POC1B: variants seen among roughly 807,000 people sequenced by gnomAD.
POC1B encodes POC1 centriolar protein B.
A neutral mutation model predicts 60.6 loss-of-function variants in POC1B; 44 were observed. The observed-to-expected ratio is 0.73, with a 90% CI of 0.57 to 0.93. The LOEUF (loss-of-function observed/expected upper bound fraction) is 0.93. POC1B is among the 40% of genes least tolerant of loss of function. The pLI is 0.00. For missense variants in POC1B, 555 were observed against 572.3 expected (o/e 0.97, Z 0.31); for synonymous variants, 180 against 198.9 (o/e 0.90, Z 0.80).
chr12:89,502,356 G>T (rs1443133853), intron 2 of POC1B: 1 of 1,610,938 alleles, frequency 6.2e-7, no homozygotes, highest in African/African-American at 1.3e-5. Context: ...AACCTTTGGA[G>T]TACTGGCGAG....
At chr12:89,429,906 A>C (rs986210511) in intron 10 of POC1B, among the ~76,000 whole-genome samples, 1 of 152,244 alleles carries the variant, frequency 6.6e-6, no homozygotes, top group Non-Finnish European at 1.5e-5. Flanking sequence ...ATAGTAATAC[A>C]ATCATTGATT....
chr12:89,452,675 T>C (rs894345860), intron 10 of POC1B, among the ~76,000 whole-genome samples: 6 of 152,170 alleles, frequency 3.9e-5, no homozygotes, highest in African/African-American at 1.4e-4. Context: ...ACTATTTTTA[T>C]TAAAAAGCAT....
chr12:89,516,007 T>C (rs1360763770), intron 2 of POC1B, among the ~76,000 whole-genome samples: 3 of 152,198 alleles, frequency 2.0e-5, no homozygotes, highest in African/African-American at 7.2e-5. Context: ...TGAGAATTGC[T>C]GGTCAACCCA....
At chr12:89,410,921 G>A in the POC1B span, among the ~76,000 whole-genome samples, 4 of 152,156 alleles carry the variant, frequency 2.6e-5, no homozygotes, top group Admixed American at 6.5e-5. Flanking sequence ...CTTTAGCAAA[G>A]TCTCAGGATA....
At chr12:89,445,928 C>CA (rs1398137136) in intron 10 of POC1B, among the ~76,000 whole-genome samples, 1 of 152,056 alleles carries the variant, frequency 6.6e-6, no homozygotes, top group East Asian at 1.9e-4. Flanking sequence ...ACAACCCAAT[C>CA]AAAAAATGGG....
intron 11 of POC1B, among the ~76,000 whole-genome samples, chr12:89,423,416 G>A (rs1047695462): frequency 1.1e-4 from 17 of 152,178 alleles, no homozygotes; most frequent in African/African-American, 4.1e-4. Flanking sequence ...GGGATTATAG[G>A]TGTGAGCCAT....
At chr12:89,476,563 C>G (rs555773020) in intron 4 of POC1B, among the ~76,000 whole-genome samples, 126 of 152,202 alleles carry the variant, frequency 8.3e-4, no homozygotes, top group African/African-American at 3.0e-3. Flanking sequence ...CAAAAATTAG[C>G]TGGGCCTGGT....
At chr12:89,435,347 G>A (rs1482685800) in intron 10 of POC1B, among the ~76,000 whole-genome samples, 3 of 151,818 alleles carry the variant, frequency 2.0e-5, no homozygotes, top group Non-Finnish European at 4.4e-5. Context: ...CACCCAGCTA[G>A]TTTTTGTATT....
chr12:89,444,821 T>C (rs937119866), intron 10 of POC1B, among the ~76,000 whole-genome samples: 15 of 152,220 alleles, frequency 9.9e-5, no homozygotes, highest in African/African-American at 3.4e-4. Flanking sequence ...AAATTGTCCC[T>C]GTTTGCAGGT....
intron 3 of POC1B, among the ~76,000 whole-genome samples, chr12:89,494,838 G>A (rs1869165398): frequency 6.6e-6 from 1 of 152,186 alleles, no homozygotes; most frequent in African/African-American, 2.4e-5. Context: ...GCATACGAAT[G>A]AGGAACAGAG....
In POC1B at chr12:89,524,121, G is replaced by T. The variant is rs776184827; in HGVS notation, c.100+999C>A. The T allele has an allele frequency of 1.9e-6, 3 of 1,613,894 alleles. No homozygotes were observed. In the East Asian group the frequency reaches 6.7e-5, roughly 36 times the overall value. On this transcript the variant is annotated intron_variant, in intron 2 of 11. Coordinates refer to ENST00000313546, the MANE Select transcript of POC1B (RefSeq NM_172240.3). ...GCAAAGTCGACCAGGCTTCGTTATA[G>T]AAAGCAATGATAACAGAGGTGGTAG...
At chr12:89,464,078 T>TC (rs1882581949) in intron 9 of POC1B, among the ~76,000 whole-genome samples, 1 of 152,156 alleles carries the variant, frequency 6.6e-6, no homozygotes, top group Admixed American at 6.5e-5. Context: ...AAAGAAAAAT[T>TC]CATCAGTTCA....
At chr12:89,418,678 C>A (rs2120619791), downstream of POC1B, among the ~76,000 whole-genome samples, 1 of 152,210 alleles carries the variant, frequency 6.6e-6, no homozygotes. Context: ...CCTGTGAGAA[C>A]TGACTGTTAA....
chr12:89,444,682 T>C (rs1398176479), intron 10 of POC1B, among the ~76,000 whole-genome samples: 2 of 152,192 alleles, frequency 1.3e-5, no homozygotes, highest in African/African-American at 4.8e-5. Flanking sequence ...AGCATTCCCT[T>C]TGAAAACTGG....
At chr12:89,408,145 T>C in the POC1B span, among the ~76,000 whole-genome samples, 2 of 152,220 alleles carry the variant, frequency 1.3e-5, no homozygotes, top group African/African-American at 4.8e-5. Context: ...CTCATCCTTT[T>C]TTAGGGCTGC....
intron 2 of POC1B, among the ~76,000 whole-genome samples, chr12:89,515,190 T>C (rs1181069989): frequency 6.6e-6 from 1 of 151,836 alleles, no homozygotes; most frequent in Non-Finnish European, 1.5e-5. Context: ...TGTAAGGCAT[T>C]GTGGCAAAAA....
intron 2 of POC1B, 39 bp downstream of exon 2, chr12:89,525,081 T>A (rs1176997932): frequency 6.2e-7 from 1 of 1,613,410 alleles, no homozygotes; most frequent in Admixed American, 1.7e-5. Flanking sequence ...CCCATGGAGT[T>A]TAGTCTCATT....
At chr12:89,436,445 G>C (rs1053053834) in intron 10 of POC1B, among the ~76,000 whole-genome samples, 1 of 152,148 alleles carries the variant, frequency 6.6e-6, no homozygotes, top group Non-Finnish European at 1.5e-5. Context: ...TGGGCACAAT[G>C]GCTCATGCCT....
At chr12:89,509,939 G>A (rs1052259723) in intron 2 of POC1B, among the ~76,000 whole-genome samples, 6 of 152,148 alleles carry the variant, frequency 3.9e-5, no homozygotes, top group East Asian at 1.9e-4. Context: ...TCTGCCTCCC[G>A]GGTTCAAGTG....
Sources: allele counts gnomAD v4.1 joint callset (sites outside exome capture counted in the v4.1 genomes callset), GRCh38; gene constraint gnomAD v4.1.1; transcripts MANE v1.5; gene names NCBI Gene and HGNC (gene_info 2026-07-23, HGNC 2026-07-21).